The following LIMD2 variants were observed in gnomAD, a reference collection of about 807,000 sequenced individuals.
The protein encoded by LIMD2 is LIM domain containing 2.
In LIMD2, 11 loss-of-function variants were observed where a neutral mutation model predicts 16.0. The ratio of observed to expected loss-of-function variants is 0.69; its 90% CI spans 0.43 to 1.14. The LOEUF is 1.14. Among genes scored for constraint, LIMD2 ranks in the 50% most tolerant of loss-of-function variants. The probability of loss-of-function intolerance (pLI) is 0.00; values close to 1 mark genes in which losing one functional copy is unlikely to be tolerated. For synonymous variants in LIMD2, 60 were observed against 67.1 expected (o/e 0.89, Z 0.52); for missense variants, 168 against 165.8 (o/e 1.01, Z -0.07).
intron 1 of LIMD2, 112 bp from the exon 2 acceptor site, chr17:63,699,460 C>A: frequency 2.9e-6 from 3 of 1,018,042 alleles, no homozygotes; most frequent in South Asian, 1.7e-5. Context: ...TTCCCTAAGT[C>A]ATTTCCTGTT....
At chr17:63,698,983 C>T in intron 3 of LIMD2, 45 bp from the exon 4 acceptor site, 1 of 1,610,898 alleles carries the variant, frequency 6.2e-7, no homozygotes, top group African/African-American at 1.3e-5. Flanking sequence ...GCTCATCCCG[C>T]TCCCTCACAC....
Position 63,698,363 on chromosome 17 carries a change from C to A in LIMD2, c.*189G>T, listed in dbSNP as rs917522773. On this transcript the variant is annotated 3_prime_UTR_variant, in exon 5 of 5. Transcript: ENST00000259006. Reference sequence around the variant, plus strand: ...GCAGACCCCAATCCTGGTTTCCAAACCCTCACCGGCTGCGGGAGAAGGAAG... The same window carrying A: ...GCAGACCCCAATCCTGGTTTCCAAAACCTCACCGGCTGCGGGAGAAGGAAG... The A allele has an allele frequency of 1.3e-5, 9 of 710,980 alleles. No individual in the cohort carries two copies. Among genetic ancestry groups the A allele is most frequent in the Non-Finnish European group, 2.0e-5 (9 of 439,338 alleles). The allele number at this position is 710,980 out of a possible 1,614,324, so 44.0% of individuals were successfully genotyped here. A position where few individuals can be genotyped will look rare whatever the true frequency, so the allele number is the denominator to read the frequency against.
In LIMD2 at chr17:63,696,848, G is replaced by C. The variant is rs2035701445; in HGVS notation, c.*1704C>G. The C allele has an allele frequency of 6.6e-6, 1 of 152,316 alleles. No homozygotes were observed. The highest frequency in any genetic ancestry group is 1.5e-5 in the Non-Finnish European group (1 of 68,120). 9.4% of individuals were successfully genotyped at this position (152,316 alleles called of 1,614,324 possible). ...CACACTTGGGAGGATCCAGGCCGGG[G>C]CACCATCTCTGCTGAGTATTCGCTC... On this transcript the variant is annotated 3_prime_UTR_variant, in exon 5 of 5. Transcript: ENST00000259006.
Position 63,698,879 on chromosome 17 carries a change from G to A in LIMD2, c.144C>T (p.Tyr48=). 6.2e-7 allele frequency: 1 copy of A among 1,612,996 alleles called. No individual in the cohort carries two copies. The highest frequency in any genetic ancestry group is 8.5e-7 in the Non-Finnish European group (1 of 1,179,938). Residue 48 remains tyrosine (Y), a synonymous_variant, in exon 4 of 5, where the codon TAC becomes TAT. Transcript: ENST00000259006. Reference sequence around the variant, plus strand: ...TGTCGGCCACCAGCCGCTCCATGGGGTACACGGTCTTCTGGCAGGCGGCGC... The same window carrying A: ...TGTCGGCCACCAGCCGCTCCATGGGATACACGGTCTTCTGGCAGGCGGCGC... ...ETCAACQKTV[Y]PMERLVADKL...
Position 63,699,282 on chromosome 17 carries a change from C to T in LIMD2, c.17G>A (p.Gly6Glu), listed in dbSNP as rs919638440. Residue 6 changes from glycine to glutamate, a missense_variant, in exon 2 of 5, where the codon GGA becomes GAA. By Grantham distance (98) the Gly-to-Glu change is moderately conservative. Coordinates refer to ENST00000259006, the MANE Select transcript of LIMD2 (RefSeq NM_030576.4). Reference protein sequence around the residue: MFQAAGAAQATPSHDA... With the variant: MFQAAEAAQATPSHDA... ...ATGAGAGGGGGTGGCCTGGGCGGCT[C>T]CTGCAGCCTGGAACATGGCTCGTTG... The T allele has an allele frequency of 6.2e-7, 1 of 1,610,368 alleles. No individual in the cohort carries two copies. Among genetic ancestry groups the T allele is most frequent in the Non-Finnish European group, 8.5e-7 (1 of 1,178,760 alleles).
Position 63,698,868 on chromosome 17 carries a change from C to A in LIMD2, c.155G>T (p.Arg52Leu), listed in dbSNP as rs761875853. 3 of 1,612,758 alleles carry A rather than the reference C, an allele frequency of 1.9e-6. No homozygotes were observed. Among genetic ancestry groups the A allele is most frequent in the South Asian group, 1.1e-5 (1 of 91,078 alleles). ...ACQKTVYPME[R>L]LVADKLIFHN... ...GAAAATGAGCTTGTCGGCCACCAGCCGCTCCATGGGGTACACGGTCTTCTG... is the reference window on the plus strand; with the variant it reads ...GAAAATGAGCTTGTCGGCCACCAGCAGCTCCATGGGGTACACGGTCTTCTG... The change falls in exon 4 of 5, where the codon CGG becomes CTG. Residue 52 changes from arginine to leucine, a missense_variant. Arg to Leu is a moderately radical substitution (Grantham distance 102). Coordinates refer to ENST00000259006, the MANE Select transcript of LIMD2 (RefSeq NM_030576.4).
intron 1 of LIMD2, 191 bp from the exon 2 acceptor site, chr17:63,699,539 C>T: frequency 1.9e-6 from 1 of 533,784 alleles, no homozygotes; most frequent in Non-Finnish European, 3.2e-6. Context: ...GCCGGGGTCC[C>T]GAGTGGCACC....
Position 63,699,304 on chromosome 17 carries a change from G to T in LIMD2, c.-6C>A. On this transcript the variant is annotated 5_prime_UTR_variant, in exon 2 of 5. Transcript: ENST00000259006. ...GCTCCTGCAGCCTGGAACATGGCTC[G>T]TTGGAGGTGGAAGCCTCGGGTGGAG... 13 of 1,605,238 alleles carry T rather than the reference G, an allele frequency of 8.1e-6. No homozygotes were observed. Among genetic ancestry groups the T allele is most frequent in the Non-Finnish European group, 1.1e-5 (13 of 1,175,868 alleles).
chr17:63,699,772 T>TGCCC, intron 1 of LIMD2: 193 of 329,550 alleles, frequency 5.9e-4, no homozygotes, highest in Middle Eastern at 1.5e-3. Flanking sequence ...GCGCCCGAGG[T>TGCCC]CCCCGCCCGC....
upstream of LIMD2, chr17:63,701,141 G>A (rs1319792780): frequency 6.6e-6 from 1 of 152,326 alleles, no homozygotes; most frequent in East Asian, 1.9e-4. Context: ...CGCCTTCCCG[G>A]GCACCAGGGA....
Position 63,698,271 on chromosome 17 carries a change from G to T in LIMD2, c.*281C>A. On this transcript the variant is annotated 3_prime_UTR_variant, in exon 5 of 5. Coordinates refer to ENST00000259006, the MANE Select transcript of LIMD2 (RefSeq NM_030576.4). Reference sequence around the variant, plus strand: ...CCTAGATAGGGGAGCTGGGCTTGGGGGCCTCCCAGGGGGTCCTGGGGTGAG... The same window carrying T: ...CCTAGATAGGGGAGCTGGGCTTGGGTGCCTCCCAGGGGGTCCTGGGGTGAG... The T allele has an allele frequency of 2.1e-6, 1 of 476,722 alleles. No individual in the cohort carries two copies. The allele number at this position is 476,722 out of a possible 1,614,324, so 29.5% of individuals were successfully genotyped here. A position where few individuals can be genotyped will look rare whatever the true frequency, so the allele number is the denominator to read the frequency against.
In LIMD2 at chr17:63,698,483, G is replaced by A. The variant is rs2035726737; in HGVS notation, c.*69C>T. The A allele has an allele frequency of 3.2e-6, 5 of 1,549,728 alleles. No homozygotes were observed. The highest frequency in any genetic ancestry group is 4.4e-6 in the Non-Finnish European group (5 of 1,145,830). On this transcript the variant is annotated 3_prime_UTR_variant, in exon 5 of 5. Coordinates refer to ENST00000259006, the MANE Select transcript of LIMD2 (RefSeq NM_030576.4). ...CCTGGCCCCCACGCAAGCCCAGCTC[G>A]ACCTCCTTCCCACCTTCCCCCTGCC...
Position 63,698,349 on chromosome 17 carries a change from T to C in LIMD2, c.*203A>G, listed in dbSNP as rs556005209. On this transcript the variant is annotated 3_prime_UTR_variant, in exon 5 of 5. Coordinates refer to ENST00000259006, the MANE Select transcript of LIMD2 (RefSeq NM_030576.4). ...AAGCAGGGTGGTGGGCAGACCCCAA[T>C]CCTGGTTTCCAAACCCTCACCGGCT... The C allele has an allele frequency of 7.6e-6, 5 of 654,634 alleles. No homozygotes were observed. In the East Asian group the frequency reaches 1.4e-4, roughly 18 times the overall value. 40.6% of individuals were successfully genotyped at this position (654,634 alleles called of 1,614,324 possible). A position where few individuals can be genotyped will look rare whatever the true frequency, so the allele number is the denominator to read the frequency against.
At chr17:63,699,527 G>C (rs919675298) in intron 1 of LIMD2, 179 bp from the exon 2 acceptor site, 1 of 578,698 alleles carries the variant, frequency 1.7e-6, no homozygotes, top group Non-Finnish European at 2.9e-6. Context: ...TGCTCCCCAG[G>C]GGCCGGGGTC....
At chr17:63,699,094 A>G (rs760562738) in intron 2 of LIMD2, 25 bp from the exon 3 acceptor site, 1 of 1,594,280 alleles carries the variant, frequency 6.3e-7, no homozygotes, top group Non-Finnish European at 8.5e-7. Context: ...CGGTCAGGGC[A>G]GGGGCAGCTC....
Position 63,698,858 on chromosome 17 carries a change from G to A in LIMD2, c.165C>T (p.Ala55=), listed in dbSNP as rs533210916. 2 of 1,612,790 alleles carry A rather than the reference G, an allele frequency of 1.2e-6. No homozygotes were observed. Among genetic ancestry groups the A allele is most frequent in the South Asian group, 1.1e-5 (1 of 91,076 alleles). The change falls in exon 4 of 5, where the codon GCC becomes GCT. Residue 55 remains alanine (A), a synonymous_variant. Transcript: ENST00000259006. Reference sequence around the variant, plus strand: ...AAGAGTTGTGGAAAATGAGCTTGTCGGCCACCAGCCGCTCCATGGGGTACA... The same window carrying A: ...AAGAGTTGTGGAAAATGAGCTTGTCAGCCACCAGCCGCTCCATGGGGTACA... ...KTVYPMERLV[A]DKLIFHNSCF...
In LIMD2 at chr17:63,699,081, G is replaced by A; in HGVS notation, c.43-12C>T. ...CCGCCTTTGGCGTCCTGAGGGAGAG[G>A]GGCGGTCAGGGCAGGGGCAGCTCCG... On this transcript the variant is annotated splice_polypyrimidine_tract_variant and intron_variant, in intron 2 of 4. Transcript: ENST00000259006. The A allele has an allele frequency of 6.2e-7, 1 of 1,600,248 alleles. No individual in the cohort carries two copies. The highest frequency in any genetic ancestry group is 1.3e-5 in the African/African-American group (1 of 74,882).
At chr17:63,698,972 T>TG in intron 3 of LIMD2, 34 bp from the exon 4 acceptor site, 1 of 1,611,708 alleles carries the variant, frequency 6.2e-7, no homozygotes, top group Non-Finnish European at 8.5e-7. Flanking sequence ...GCTGCCCCAG[T>TG]GCTCATCCCG....
chr17:63,698,783 C>A lies in LIMD2; in HGVS notation c.224+16G>T. On this transcript the variant is annotated intron_variant, in intron 4 of 4. Coordinates refer to ENST00000259006, the MANE Select transcript of LIMD2 (RefSeq NM_030576.4). ...GGTTGGCAGGCGAGGCGGGGGCGGG[C>A]AGGGCAGGGGCGCACCTGAGCTTGG... The A allele has an allele frequency of 6.2e-7, 1 of 1,609,680 alleles. No individual in the cohort carries two copies. The highest frequency in any genetic ancestry group is 1.1e-5 in the South Asian group (1 of 90,980).
Sources: gnomAD v4.1 joint callset for allele counts on GRCh38, gnomAD v4.1.1 for gene constraint, MANE v1.5 for transcripts, NCBI Gene and HGNC (gene_info 2026-07-23, HGNC 2026-07-21) for gene names.